The following HECW1 variants were observed in gnomAD, a reference collection of about 807,000 sequenced individuals.
HECW1 encodes the protein HECT, C2 and WW domain containing E3 ubiquitin protein ligase 1, also known as E3 ubiquitin-protein ligase HECW1.
A neutral mutation model predicts 182.3 loss-of-function variants in HECW1; 61 were observed. That is an observed-to-expected ratio of 0.33 (90% CI 0.27 to 0.41). The LOEUF is 0.41. HECW1 is among the 10% of genes least tolerant of loss of function. The probability of loss-of-function intolerance (pLI) is 1.00; values close to 1 mark genes in which losing one functional copy is unlikely to be tolerated. For missense variants in HECW1, 1,739 were observed against 2,108.9 expected (o/e 0.82, Z 3.44); for synonymous variants, 859 against 832.6 (o/e 1.03, Z -0.55).
chr7:43,562,053 C>CA lies in HECW1; in HGVS notation c.*130dup, dbSNP rs1225903576. Reference sequence around the variant, plus strand: ...TATTCCATGATTTTTATTTTCAAACCAAATCAGGATTGACAAAAGCTGTGC... The same window carrying CA: ...TATTCCATGATTTTTATTTTCAAACCAAAATCAGGATTGACAAAAGCTGTGC... On this transcript the variant is annotated 3_prime_UTR_variant, in exon 30 of 30. Transcript: ENST00000395891. 1.6e-6 allele frequency: 1 copy of CA among 636,862 alleles called. No individual in the cohort carries two copies. Among genetic ancestry groups the CA allele is most frequent in the Non-Finnish European group, 2.8e-6 (1 of 353,100 alleles). 39.5% of individuals were successfully genotyped at this position (636,862 alleles called of 1,614,324 possible).
chr7:43,161,066 C>A (rs1000851634), intron 2 of HECW1, among the ~76,000 whole-genome samples: 3 of 151,632 alleles, frequency 2.0e-5, no homozygotes, highest in Non-Finnish European at 4.4e-5. Context: ...TGGAGTAAAG[C>A]GGGGCTGGGA....
At chr7:43,546,680 C>T (rs905939856) in intron 26 of HECW1, among the ~76,000 whole-genome samples, 9 of 151,892 alleles carry the variant, frequency 5.9e-5, no homozygotes, top group African/African-American at 2.2e-4. Flanking sequence ...TTCCTAACTT[C>T]GGGAACAAAG....
intron 16 of HECW1, among the ~76,000 whole-genome samples, chr7:43,478,524 A>G (rs1027646767): frequency 8.5e-5 from 13 of 152,206 alleles, no homozygotes; most frequent in Admixed American, 6.5e-4. Flanking sequence ...TCCATCAAAC[A>G]ATATCATGTA....
At chr7:43,561,101 A>G (rs796116371) in intron 29 of HECW1, among the ~76,000 whole-genome samples, 2 of 152,224 alleles carry the variant, frequency 1.3e-5, no homozygotes, top group South Asian at 4.1e-4. Context: ...GGAGAGCCAC[A>G]TGAGTCTTCC....
rs189534318 is a variant in HECW1, at chr7:43,241,838, A to C, written c.-31-2037A>C. On this transcript the variant is annotated intron_variant, in intron 2 of 29. Transcript: ENST00000395891. Reference sequence around the variant, plus strand: ...CATTAGAATTATTTTTAAAACTGTCAAAAAATAATAACTACAGGGTACTAT... The same window carrying C: ...CATTAGAATTATTTTTAAAACTGTCCAAAAATAATAACTACAGGGTACTAT... Among the ~76,000 whole-genome samples the C allele has an allele frequency of 8.5e-5, 13 of 152,220 alleles. No homozygotes were observed. In the East Asian group the frequency reaches 2.5e-3, roughly 29 times the overall value.
rs374118203 is a variant in HECW1 at position 43,295,098 on chromosome 7, G to A, written c.28-16665G>A. 1.9e-4 allele frequency among the ~76,000 whole-genome samples: 29 copies of A among 152,220 alleles called. No homozygotes were observed. In the South Asian group the frequency reaches 5.8e-3, roughly 31 times the overall value. On this transcript the variant is annotated intron_variant, in intron 3 of 29. Coordinates refer to ENST00000395891, the MANE Select transcript of HECW1 (RefSeq NM_015052.5). ...ACTGAATACACAATTTACAGGAATA[G>A]TCACTTATGCCTTAGTCTGGCTTAG...
chr7:43,315,173 A>G (rs1388011615), intron 4 of HECW1, among the ~76,000 whole-genome samples: 6 of 152,230 alleles, frequency 3.9e-5, no homozygotes, highest in African/African-American at 1.4e-4. Flanking sequence ...GTGGCTGCTG[A>G]TTTATGGAAC....
chr7:43,356,793 A>G (rs1178009006), intron 5 of HECW1, among the ~76,000 whole-genome samples: 1 of 151,970 alleles, frequency 6.6e-6, no homozygotes, highest in Non-Finnish European at 1.5e-5. Flanking sequence ...CTGAACAACT[A>G]ATGGAGAAAT....
At chr7:43,316,762 CCCCTTTT>C (rs147109776) in intron 4 of HECW1, among the ~76,000 whole-genome samples, 3 of 133,114 alleles carry the variant, frequency 2.3e-5, no homozygotes, top group Non-Finnish European at 4.9e-5. Context: ...CCTCTCCCCT[CCCCTTTT>C]CTCTCCTCCC....
At chr7:43,561,251 G>A (rs1027555830) in intron 29 of HECW1, among the ~76,000 whole-genome samples, 1 of 152,152 alleles carries the variant, frequency 6.6e-6, no homozygotes, top group Non-Finnish European at 1.5e-5. Context: ...TGGCTCACAC[G>A]GGCAGCTTTT....
At chr7:43,145,916 T>C (rs1489363053) in intron 2 of HECW1, among the ~76,000 whole-genome samples, 2 of 152,036 alleles carry the variant, frequency 1.3e-5, no homozygotes, top group East Asian at 1.9e-4. Flanking sequence ...TGCTGAACGG[T>C]GTTGGTTTTT....
rs773611371 is a variant in HECW1 at position 43,561,838 on chromosome 7, T to A, written c.4733T>A (p.Leu1578Gln). 1 of 1,613,802 alleles carries A rather than the reference T, an allele frequency of 6.2e-7. No individual in the cohort carries two copies. Among genetic ancestry groups the A allele is most frequent in the South Asian group, 1.1e-5 (1 of 91,074 alleles). The change falls in exon 30 of 30, where the codon CTG becomes CAG. Residue 1578 changes from leucine to glutamine, a missense_variant. Leu to Gln is a moderately radical substitution (Grantham distance 113, BLOSUM62 -2). Transcript: ENST00000395891. ...LPRAHTCFNR[L>Q]DLPPYPSYSM... Reference sequence around the variant, plus strand: ...AGGGCACACACATGCTTCAACCGACTGGATCTTCCACCGTATCCCTCGTAC... The same window carrying A: ...AGGGCACACACATGCTTCAACCGACAGGATCTTCCACCGTATCCCTCGTAC...
At chr7:43,298,430 C>A (rs1189469906) in intron 3 of HECW1, among the ~76,000 whole-genome samples, 1 of 152,222 alleles carries the variant, frequency 6.6e-6, no homozygotes, top group East Asian at 1.9e-4. Flanking sequence ...TACAGTCCCC[C>A]TGACATGTGC....
At chr7:43,138,761 T>C (rs1454388238) in intron 2 of HECW1, among the ~76,000 whole-genome samples, 1 of 152,160 alleles carries the variant, frequency 6.6e-6, no homozygotes, top group Non-Finnish European at 1.5e-5. Flanking sequence ...GCGCTTTCCA[T>C]AAAACTGTTT....
intron 3 of HECW1, among the ~76,000 whole-genome samples, chr7:43,246,217 C>T (rs1028152553): frequency 3.1e-4 from 47 of 152,090 alleles, no homozygotes; most frequent in African/African-American, 1.1e-3. Context: ...CAGGGAGAAT[C>T]GCTTGAGCCC....
At chr7:43,195,277 A>C (rs917633059) in intron 2 of HECW1, among the ~76,000 whole-genome samples, 1 of 152,226 alleles carries the variant, frequency 6.6e-6, no homozygotes, top group Non-Finnish European at 1.5e-5. Flanking sequence ...AAACTTCGCA[A>C]AGCTGTGCAC....
At chr7:43,554,870 T>A in intron 29 of HECW1, 80 bp downstream of exon 29, 1 of 1,306,484 alleles carries the variant, frequency 7.7e-7, no homozygotes, top group South Asian at 1.3e-5. Flanking sequence ...TGAGTGACCA[T>A]CCTTTGGGAT....
rs1179138530 is a variant in HECW1 at position 43,554,810 on chromosome 7, CT to C, written c.4709+22del. ...CCCCAGGTACAGAGCTCCTGCCAGC[CT>C]TCGGGGAAACCTGCTGAAGAGGGCA... On this transcript the variant is annotated intron_variant, in intron 29 of 29. Coordinates refer to ENST00000395891, the MANE Select transcript of HECW1 (RefSeq NM_015052.5). The C allele has an allele frequency of 6.2e-7, 1 of 1,607,414 alleles. No homozygotes were observed. Among genetic ancestry groups the C allele is most frequent in the Non-Finnish European group, 8.5e-7 (1 of 1,175,984 alleles).
At chr7:43,155,416 G>A (rs1325784669) in intron 2 of HECW1, among the ~76,000 whole-genome samples, 1 of 152,114 alleles carries the variant, frequency 6.6e-6, no homozygotes, top group African/African-American at 2.4e-5. Context: ...ACTCTTCAAA[G>A]ATATTTTTTG....
Sources: gnomAD v4.1 joint callset for allele counts (sites outside exome capture counted in the v4.1 genomes callset) on GRCh38, gnomAD v4.1.1 for gene constraint, MANE v1.5 for transcripts, NCBI Gene and HGNC (gene_info 2026-07-23, HGNC 2026-07-21) for gene names.